The following ASZ1 variants were observed in gnomAD, a reference collection of about 807,000 sequenced individuals.
ASZ1 encodes ankyrin repeat, SAM and basic leucine zipper domain containing 1.
Under a neutral mutation model 61.8 loss-of-function variants are expected in ASZ1, and 67 were observed. The observed-to-expected ratio is 1.08, with a 90% CI of 0.89 to 1.33. ASZ1 has a LOEUF of 1.33. ASZ1 is among the 40% of genes most tolerant of loss of function. The pLI is 0.00. For synonymous variants in ASZ1, 193 were observed against 192.7 expected (o/e 1.00, Z -0.01); for missense variants, 577 against 554.5 (o/e 1.04, Z -0.41).
chr7:117,363,430 C>A lies in ASZ1; in HGVS notation c.*166G>T. The A allele has an allele frequency of 2.2e-6, 1 of 459,672 alleles. No homozygotes were observed. Among genetic ancestry groups the A allele is most frequent in the East Asian group, 3.6e-5 (1 of 27,632 alleles). 28.5% of individuals were successfully genotyped at this position (459,672 alleles called of 1,614,324 possible). A position where few individuals can be genotyped will look rare whatever the true frequency, so the allele number is the denominator to read the frequency against. ...AACATAACAAATTGTATTTATAAGT[C>A]AAAGTAACAAACCACTTTTTAAAAA... is the stretch of plus-strand genomic sequence containing the variant. On this transcript the variant is annotated 3_prime_UTR_variant, in exon 13 of 13. Coordinates refer to ENST00000284629, the MANE Select transcript of ASZ1 (RefSeq NM_130768.3).
chr7:117,417,138 T>C (rs1191508249), intron 4 of ASZ1, among the ~76,000 whole-genome samples: 1 of 152,164 alleles, frequency 6.6e-6, no homozygotes, highest in Non-Finnish European at 1.5e-5. Flanking sequence ...TTCCAAGACT[T>C]TGTTATTAAT....
chr7:117,376,336 C>G (rs1007986565), intron 10 of ASZ1, among the ~76,000 whole-genome samples: 5 of 152,174 alleles, frequency 3.3e-5, no homozygotes, highest in Non-Finnish European at 7.4e-5. Context: ...ATATCCAGGT[C>G]CAGATGGTTT....
chr7:117,380,972 TCAAA>T (rs1796237869), intron 9 of ASZ1, 35 bp downstream of exon 9: 1 of 1,502,434 alleles, frequency 6.7e-7, no homozygotes, highest in Non-Finnish European at 9.1e-7. Context: ...TTTAAAAACA[TCAAA>T]CAATGTATCG....
chr7:117,419,734 G>A lies in ASZ1; in HGVS notation c.440+429C>T, dbSNP rs539843226. On this transcript the variant is annotated intron_variant, in intron 4 of 12. Coordinates refer to ENST00000284629, the MANE Select transcript of ASZ1 (RefSeq NM_130768.3). ...ATACATGTTATTACCTAGTTAATTCGTGAAGTCTTAAGAAAATGGAAACAA... is the reference window on the plus strand; with the variant it reads ...ATACATGTTATTACCTAGTTAATTCATGAAGTCTTAAGAAAATGGAAACAA... Among the ~76,000 whole-genome samples the A allele has an allele frequency of 9.9e-5, 15 of 152,184 alleles. No individual in the cohort carries two copies. In the East Asian group the frequency reaches 1.5e-3, roughly 16 times the overall value.
intron 4 of ASZ1, among the ~76,000 whole-genome samples, chr7:117,399,301 A>T (rs1352749225): frequency 2.0e-5 from 3 of 152,262 alleles, no homozygotes; most frequent in African/African-American, 7.2e-5. Flanking sequence ...ACCAAACAAT[A>T]AAAAACAACT....
intron 4 of ASZ1, among the ~76,000 whole-genome samples, chr7:117,418,779 T>C (rs1430319288): frequency 6.6e-6 from 1 of 151,892 alleles, no homozygotes; most frequent in Non-Finnish European, 1.5e-5. Context: ...CTGGGCAACA[T>C]AGTGAAACCC....
intron 4 of ASZ1, among the ~76,000 whole-genome samples, chr7:117,414,324 A>T (rs1001204244): frequency 6.6e-6 from 1 of 152,176 alleles, no homozygotes; most frequent in African/African-American, 2.4e-5. Flanking sequence ...TGCAAAAAAC[A>T]TTGACACCCA....
rs532518413 is a variant in ASZ1, at chr7:117,380,074, G to A, written c.946-27C>T. 178 of 1,420,678 alleles carry A rather than the reference G, an allele frequency of 1.3e-4. 3 individuals are homozygous for A. In the South Asian group the frequency reaches 2.0e-3, roughly 16 times the overall value. The allele number at this position is 1,420,678 out of a possible 1,614,324, so 88.0% of individuals were successfully genotyped here. A position where few individuals can be genotyped will look rare whatever the true frequency, so the allele number is the denominator to read the frequency against. On this transcript the variant is annotated intron_variant, in intron 9 of 12. Transcript: ENST00000284629. Reference sequence around the variant, plus strand: ...TAAGCAGAAATAATTTTAAGGTACAGTAAGTTAGTTATACTTGAGTAATTT... The same window carrying A: ...TAAGCAGAAATAATTTTAAGGTACAATAAGTTAGTTATACTTGAGTAATTT...
chr7:117,426,505 A>AAAAAAAAAG (rs1797217750), intron 2 of ASZ1, among the ~76,000 whole-genome samples: 1 of 149,938 alleles, frequency 6.7e-6, no homozygotes, highest in African/African-American at 2.4e-5. Context: ...AAAAAAAAAA[A>AAAAAAAAAG]AAAAAGAAAA....
intron 4 of ASZ1, among the ~76,000 whole-genome samples, chr7:117,404,489 C>A (rs1375085147): frequency 6.7e-6 from 1 of 150,272 alleles, no homozygotes; most frequent in Non-Finnish European, 1.5e-5. Context: ...TTTTTGTTTC[C>A]CTTAAGTCGA....
intron 10 of ASZ1, among the ~76,000 whole-genome samples, chr7:117,371,236 C>T (rs979817609): frequency 6.6e-6 from 1 of 152,076 alleles, no homozygotes; most frequent in African/African-American, 2.4e-5. Context: ...AAAAAGCAAG[C>T]AATGTCAGCC....
At chr7:117,399,615 A>G (rs1050578216) in intron 4 of ASZ1, among the ~76,000 whole-genome samples, 2 of 151,658 alleles carry the variant, frequency 1.3e-5, no homozygotes, top group Non-Finnish European at 2.9e-5. Context: ...TTTACATTCA[A>G]GAGTTGGCTA....
chr7:117,416,412 G>A (rs994064475), intron 4 of ASZ1, among the ~76,000 whole-genome samples: 1 of 151,982 alleles, frequency 6.6e-6, no homozygotes, highest in Admixed American at 6.6e-5. Flanking sequence ...TAATTTCTAA[G>A]CAATTGATTT....
chr7:117,396,862 A>G (rs894579514), intron 4 of ASZ1, among the ~76,000 whole-genome samples: 4 of 152,134 alleles, frequency 2.6e-5, no homozygotes, highest in African/African-American at 9.7e-5. Context: ...GAAGTTTAAA[A>G]TAAGTAACCT....
At position 117,425,558 on chromosome 7, in the gene ASZ1, G is replaced by A. The variant is rs187183439; in HGVS notation, c.205+1278C>T. Among the ~76,000 whole-genome samples, 233 of 151,810 alleles carry A rather than the reference G, an allele frequency of 1.5e-3. 2 individuals carry two copies. The highest frequency in any genetic ancestry group is 6.8e-3 in the Middle Eastern group (2 of 294). ...GCTGGGATTACAGGCGTGAGCCACC[G>A]CGCCCGGCCAGTAATTTCAATCATT... On this transcript the variant is annotated intron_variant, in intron 2 of 12. Transcript: ENST00000284629.
At chr7:117,422,980 A>G (rs1033725150) in intron 2 of ASZ1, among the ~76,000 whole-genome samples, 9 of 152,220 alleles carry the variant, frequency 5.9e-5, no homozygotes, top group African/African-American at 1.9e-4. Flanking sequence ...GAAACTAGTT[A>G]TAACACAGGA....
chr7:117,415,755 A>C (rs1387581962), intron 4 of ASZ1, among the ~76,000 whole-genome samples: 1 of 152,236 alleles, frequency 6.6e-6, no homozygotes, highest in Non-Finnish European at 1.5e-5. Context: ...GAAAAAAATG[A>C]AATATAAAAC....
rs1287542164 is a variant in ASZ1, at chr7:117,420,146, G to C, written c.440+17C>G. On this transcript the variant is annotated intron_variant, in intron 4 of 12. Coordinates refer to ENST00000284629, the MANE Select transcript of ASZ1 (RefSeq NM_130768.3). Reference sequence around the variant, plus strand: ...TCTAATTTGACTTGAATTTTGAACAGATATAAAGGCTCTTACCTACAAGCA... The same window carrying C: ...TCTAATTTGACTTGAATTTTGAACACATATAAAGGCTCTTACCTACAAGCA... The C allele has an allele frequency of 1.3e-6, 2 of 1,575,280 alleles. No homozygotes were observed. Among genetic ancestry groups the C allele is most frequent in the African/African-American group, 1.4e-5 (1 of 73,834 alleles).
At chr7:117,364,559 A>G (rs1795898415) in intron 12 of ASZ1, among the ~76,000 whole-genome samples, 1 of 152,130 alleles carries the variant, frequency 6.6e-6, no homozygotes. Flanking sequence ...TCCTTGAAAG[A>G]TAAAAAGAAT....
Sources: gnomAD v4.1 joint callset for allele counts (sites outside exome capture counted in the v4.1 genomes callset) on GRCh38, gnomAD v4.1.1 for gene constraint, MANE v1.5 for transcripts, NCBI Gene and HGNC (gene_info 2026-07-23, HGNC 2026-07-21) for gene names.